RUNX1: variants seen among roughly 807,000 people sequenced by gnomAD.
RUNX1 encodes the protein RUNX family transcription factor 1, also known as runt-related transcription factor 1.
In RUNX1, 19 loss-of-function variants were observed where a neutral mutation model predicts 42.8. The observed-to-expected ratio is 0.44, with a 90% CI of 0.31 to 0.65. The LOEUF is 0.65. Ranked by LOEUF, RUNX1 falls within the 30% of genes least tolerant of loss-of-function variation. The pLI, the probability that RUNX1 is intolerant of heterozygous loss-of-function variation, is 0.07. For missense variants in RUNX1, 528 were observed against 672.0 expected, an observed-to-expected ratio of 0.79 and a Z score of 2.37; for synonymous variants, 271 against 289.4, an observed-to-expected ratio of 0.94 and a Z score of 0.64.
intron 2 of RUNX1, among the ~76,000 whole-genome samples, chr21:34,926,461 CAAAAAAAAAA>C (rs1188609077): frequency 2.8e-4 from 2 of 7,148 alleles, no homozygotes; most frequent in Non-Finnish European, 6.0e-4. Context: ...GACCCAGTCT[CAAAAAAAAAA>C]AAAAAAAAAA....
chr21:34,898,732 G>T (rs2058150027), intron 2 of RUNX1, among the ~76,000 whole-genome samples: 1 of 152,002 alleles, frequency 6.6e-6, no homozygotes, highest in Non-Finnish European at 1.5e-5. Context: ...AATTCCCTAG[G>T]CAGCACTGCA....
At chr21:34,836,421 C>T (rs1009678946) in intron 6 of RUNX1, among the ~76,000 whole-genome samples, 3 of 152,238 alleles carry the variant, frequency 2.0e-5, no homozygotes, top group Non-Finnish European at 4.4e-5. Flanking sequence ...GACTCAGTGC[C>T]TCTGGATGAA....
chr21:34,877,471 A>C (rs149828307), intron 5 of RUNX1, among the ~76,000 whole-genome samples: 1 of 152,148 alleles, frequency 6.6e-6, no homozygotes, highest in Non-Finnish European at 1.5e-5. Context: ...GGGAGCTGCT[A>C]TCTCTTCCTC....
chr21:34,904,988 A>T (rs985004667), intron 2 of RUNX1, among the ~76,000 whole-genome samples: 2 of 151,736 alleles, frequency 1.3e-5, no homozygotes, highest in Non-Finnish European at 2.9e-5. Context: ...AAAGAAGAAA[A>T]CTTTACCAAA....
At chr21:35,032,744 C>T (rs1018348327) in intron 2 of RUNX1, among the ~76,000 whole-genome samples, 22 of 152,256 alleles carry the variant, frequency 1.4e-4, no homozygotes, top group African/African-American at 5.1e-4. Context: ...TTGCCTGCTC[C>T]TCTCTGCTCT....
intron 4 of RUNX1, among the ~76,000 whole-genome samples, chr21:34,885,844 G>C (rs749246702): frequency 6.6e-6 from 1 of 152,106 alleles, no homozygotes; most frequent in Non-Finnish European, 1.5e-5. Context: ...ATTTTACTTA[G>C]TCGCATCTTT....
rs78531161 is a variant in RUNX1, at chr21:34,993,440, A to G, written c.58+55402T>C. Among the ~76,000 whole-genome samples the G allele has an allele frequency of 4.7e-3, 720 of 152,154 alleles. 7 individuals carry two copies. Among genetic ancestry groups the G allele is most frequent in the African/African-American group, 0.016 (680 of 41,508 alleles). ...TCCATTTGATTTGCCTTTTCAGGTA[A>G]AACACCATTAATAGGAGCCAGAATA... is the stretch of plus-strand genomic sequence containing the variant. On this transcript the variant is annotated intron_variant, in intron 2 of 8. Transcript: ENST00000675419.
rs796920449 is a variant in RUNX1 at position 35,040,770 on chromosome 21, CCAAA to C, written c.58+8068_58+8071del. On this transcript the variant is annotated intron_variant, in intron 2 of 8. Coordinates refer to ENST00000675419, the MANE Select transcript of RUNX1 (RefSeq NM_001754.5). The stretch of plus-strand genomic sequence containing the variant: ...TGGTGACAGAGCTAGTAGACTCCAT[CCAAA>C]AAAAAAAAAAAAAAAAAAAACCAAC... 2.2e-3 allele frequency among the ~76,000 whole-genome samples: 114 copies of C among 50,988 alleles called. 1 individual carries two copies. The highest frequency in any genetic ancestry group is 5.1e-3 in the African/African-American group (104 of 20,396). 33.5% of individuals were successfully genotyped at this position (50,988 alleles called of 152,430 possible). A position where few individuals can be genotyped will look rare whatever the true frequency, so the allele number is the denominator to read the frequency against.
intron 2 of RUNX1, among the ~76,000 whole-genome samples, chr21:34,998,573 G>A (rs1044130751): frequency 1.3e-5 from 2 of 151,744 alleles, no homozygotes; most frequent in East Asian, 1.9e-4. Flanking sequence ...ATGGAGTCTT[G>A]CTCTGTCACC....
chr21:34,974,618 G>A lies in RUNX1; in HGVS notation c.58+74224C>T, dbSNP rs149138852. ...AAATGAAGTTGACATGAAATGTGGT[G>A]TAGATGAAGACAGCACCAGCTTTGT... On this transcript the variant is annotated intron_variant, in intron 2 of 8. Transcript: ENST00000675419. Among the ~76,000 whole-genome samples the A allele has an allele frequency of 4.5e-3, 685 of 152,322 alleles. 7 individuals are homozygous for A. The highest frequency in any genetic ancestry group is 0.016 in the African/African-American group (660 of 41,572).
chr21:34,949,542 A>C lies in RUNX1; in HGVS notation c.59-56579T>G, dbSNP rs912876586. Among the ~76,000 whole-genome samples the C allele has an allele frequency of 4.5e-4, 68 of 152,372 alleles. 1 individual carries two copies. Among genetic ancestry groups the C allele is most frequent in the African/African-American group, 1.6e-3 (68 of 41,596 alleles). On this transcript the variant is annotated intron_variant, in intron 2 of 8. Transcript: ENST00000675419. ...TGGTTAAAGTGATGTTTGAGGATGT[A>C]ACCTACCAGTGGAATGAGGCAAGAG...
intron 2 of RUNX1, among the ~76,000 whole-genome samples, chr21:34,923,584 C>A (rs2058370696): frequency 6.6e-6 from 1 of 152,210 alleles, no homozygotes. Flanking sequence ...AAAGTCTAGG[C>A]ATTCCACGGG....
At chr21:34,840,226 G>A (rs114694996) in intron 6 of RUNX1, among the ~76,000 whole-genome samples, 3,730 of 152,252 alleles carry the variant, frequency 0.024, 48 homozygotes, top group African/African-American at 0.031. Context: ...CCTTTATTCC[G>A]TTCCACAAAT....
chr21:34,874,610 C>CA (rs59950735), intron 5 of RUNX1, among the ~76,000 whole-genome samples: 1,741 of 25,130 alleles, frequency 0.069, 323 homozygotes, highest in African/African-American at 0.082. Context: ...AACTCTGTCT[C>CA]AAAAAAAAAA....
At chr21:35,032,085 T>C (rs1003331417) in intron 2 of RUNX1, among the ~76,000 whole-genome samples, 9 of 152,124 alleles carry the variant, frequency 5.9e-5, no homozygotes, top group African/African-American at 1.9e-4. Context: ...TGATCAGGGG[T>C]GATCAGGAGC....
At chr21:35,037,250 A>AC (rs1162410136) in intron 2 of RUNX1, among the ~76,000 whole-genome samples, 1 of 152,166 alleles carries the variant, frequency 6.6e-6, no homozygotes, top group Non-Finnish European at 1.5e-5. Context: ...CCAGCATGTC[A>AC]CCATCGTCTT....
chr21:35,003,173 C>T (rs929916318), intron 2 of RUNX1, among the ~76,000 whole-genome samples: 4 of 152,160 alleles, frequency 2.6e-5, no homozygotes, highest in African/African-American at 9.7e-5. Context: ...AAATCATTTC[C>T]CAGTCTGAAA....
At chr21:34,806,874 G>A (rs1406511207) in intron 7 of RUNX1, among the ~76,000 whole-genome samples, 1 of 152,036 alleles carries the variant, frequency 6.6e-6, no homozygotes. Context: ...CATTAGACAT[G>A]AGTCAAATAA....
intron 4 of RUNX1, among the ~76,000 whole-genome samples, chr21:34,885,769 A>G (rs1406399007): frequency 1.3e-5 from 2 of 152,172 alleles, no homozygotes; most frequent in Non-Finnish European, 2.9e-5. Context: ...TTAGTAGCTT[A>G]TCTTTACACT....
Sources: gnomAD v4.1 joint callset for allele counts (sites outside exome capture counted in the v4.1 genomes callset) on GRCh38, gnomAD v4.1.1 for gene constraint, MANE v1.5 for transcripts, NCBI Gene and HGNC (gene_info 2026-07-23, HGNC 2026-07-21) for gene names.